Variants in PSMA8 observed in about 807,000 individuals in gnomAD.
The protein encoded by PSMA8 is proteasome subunit alpha-type 8.
PSMA8 carries 18 observed loss-of-function variants against 32.4 expected under a neutral mutation model. That is an observed-to-expected ratio of 0.56 (90% CI 0.38 to 0.82). PSMA8 has a LOEUF of 0.82. Among genes scored for constraint, PSMA8 ranks in the 40% least tolerant of loss-of-function variants. The probability of loss-of-function intolerance (pLI) is 0.00; values close to 1 mark genes in which losing one functional copy is unlikely to be tolerated. For missense variants in PSMA8, 298 were observed against 300.7 expected (o/e 0.99, Z 0.07); for synonymous variants, 104 against 98.1 (o/e 1.06, Z -0.36).
intron 4 of PSMA8, among the ~76,000 whole-genome samples, chr18:26,158,641 A>G (rs1410922138): frequency 1.3e-5 from 2 of 152,206 alleles, no homozygotes; most frequent in East Asian, 1.9e-4. Context: ...TCTCCATTCT[A>G]GGAGAGTCAG....
intron 4 of PSMA8, among the ~76,000 whole-genome samples, chr18:26,176,666 C>T (rs1282980101): frequency 1.3e-5 from 2 of 152,162 alleles, no homozygotes; most frequent in Non-Finnish European, 2.9e-5. Context: ...GGCACAGTGG[C>T]TCACACCTGT....
intron 3 of PSMA8, 101 bp downstream of exon 3, chr18:26,152,083 T>C: frequency 1.4e-6 from 1 of 728,958 alleles, no homozygotes; most frequent in Non-Finnish European, 1.9e-6. Flanking sequence ...TGTAGTCTAT[T>C]AAATATATTA....
Position 26,133,919 on chromosome 18 carries a change from G to A in PSMA8, c.-47G>A. 6.6e-7 allele frequency: 1 copy of A among 1,519,488 alleles called. No homozygotes were observed. The highest frequency in any genetic ancestry group is 9.1e-7 in the Non-Finnish European group (1 of 1,095,720). 94.1% of individuals were successfully genotyped at this position (1,519,488 alleles called of 1,614,324 possible). On this transcript the variant is annotated 5_prime_UTR_variant, in exon 1 of 7. Transcript: ENST00000415576. The stretch of plus-strand genomic sequence containing the variant: ...TGGCGGCGGCTCCCCGCTTGCCTCA[G>A]CTGCAGCAGCGGGAAGCTCGGTGGC...
At chr18:26,164,901 G>A (rs1015165049) in intron 4 of PSMA8, among the ~76,000 whole-genome samples, 6 of 151,660 alleles carry the variant, frequency 4.0e-5, no homozygotes, top group African/African-American at 1.5e-4. Flanking sequence ...GGAGTTTTTG[G>A]TTTTTTTGTT....
intron 1 of PSMA8, among the ~76,000 whole-genome samples, chr18:26,135,086 A>G (rs1040472344): frequency 6.6e-6 from 1 of 152,150 alleles, no homozygotes; most frequent in Non-Finnish European, 1.5e-5. Context: ...ATTACACCCT[A>G]CCTTAGATTT....
At position 26,163,250 on chromosome 18, in the gene PSMA8, T is replaced by TATATA. The variant is rs1555662105; in HGVS notation, c.477+5007_477+5011dup. On this transcript the variant is annotated intron_variant, in intron 4 of 6. Transcript: ENST00000415576. ...ATATATATATATATATATATATATA[T>TATATA]ATATATATATATGCTGTGAGTAAAA... Among the ~76,000 whole-genome samples the TATATA allele has an allele frequency of 2.5e-3, 237 of 94,536 alleles. 4 individuals are homozygous for TATATA. Among genetic ancestry groups the TATATA allele is most frequent in the African/African-American group, 8.4e-3 (210 of 24,978 alleles). The allele number at this position is 94,536 out of a possible 152,430, so 62.0% of individuals were successfully genotyped here. A position where few individuals can be genotyped will look rare whatever the true frequency, so the allele number is the denominator to read the frequency against.
chr18:26,155,170 G>A lies in PSMA8; in HGVS notation c.355-2952G>A, dbSNP rs563726112. Among the ~76,000 whole-genome samples the A allele has an allele frequency of 5.3e-5, 8 of 152,146 alleles. No homozygotes were observed. In the South Asian group the frequency reaches 1.7e-3, roughly 32 times the overall value. ...GAATTGCTTGAACCCAGGAGACGGA[G>A]GTTGCAGTAAGCCAAGATCATACCA... On this transcript the variant is annotated intron_variant, in intron 3 of 6. Coordinates refer to ENST00000415576, the MANE Select transcript of PSMA8 (RefSeq NM_001025096.2).
chr18:26,161,133 G>A (rs927724863), intron 4 of PSMA8, among the ~76,000 whole-genome samples: 10 of 152,096 alleles, frequency 6.6e-5, no homozygotes, highest in African/African-American at 2.4e-4. Context: ...TTGTAGTTCC[G>A]TGAAATTATT....
intron 6 of PSMA8, among the ~76,000 whole-genome samples, chr18:26,185,917 TG>T (rs1320491423): frequency 6.6e-6 from 1 of 150,438 alleles, no homozygotes; most frequent in African/African-American, 2.5e-5. Context: ...GATAAATCTT[TG>T]TGTGGGATAC....
At chr18:26,172,972 T>C (rs549153857) in intron 4 of PSMA8, among the ~76,000 whole-genome samples, 1 of 152,302 alleles carries the variant, frequency 6.6e-6, no homozygotes, top group African/African-American at 2.4e-5. Context: ...AATACAGTCC[T>C]GAGGAATAGC....
intron 2 of PSMA8, among the ~76,000 whole-genome samples, chr18:26,150,021 A>G (rs760845318): frequency 6.6e-6 from 1 of 152,230 alleles, no homozygotes; most frequent in Non-Finnish European, 1.5e-5. Flanking sequence ...AACACACCCA[A>G]TTGGAAAATC....
At position 26,185,087 on chromosome 18, in the gene PSMA8, CAAAAAAA is replaced by C. The variant is rs772421124; in HGVS notation, c.660+5972_660+5978del. ...GGGCAACAAGAGCGAAACTCCATCT[CAAAAAAA>C]AAAAAAAAAAAAAAGTTGTTTTTGG... On this transcript the variant is annotated intron_variant, in intron 6 of 6. Coordinates refer to ENST00000415576, the MANE Select transcript of PSMA8 (RefSeq NM_001025096.2). 5.9e-3 allele frequency among the ~76,000 whole-genome samples: 325 copies of C among 55,456 alleles called. 8 individuals are homozygous for C. Among genetic ancestry groups the C allele is most frequent in the Admixed American group, 0.014 (80 of 5,796 alleles). The allele number at this position is 55,456 out of a possible 152,430, so 36.4% of individuals were successfully genotyped here. A position where few individuals can be genotyped will look rare whatever the true frequency, so the allele number is the denominator to read the frequency against.
Position 26,172,096 on chromosome 18 carries a change from T to G in PSMA8, c.478-6734T>G, listed in dbSNP as rs28555187. Among the ~76,000 whole-genome samples, 823 of 152,290 alleles carry G rather than the reference T, an allele frequency of 5.4e-3. 2 individuals are homozygous for G. Among genetic ancestry groups the G allele is most frequent in the African/African-American group, 0.011 (467 of 41,560 alleles). ...GCCCTTTATCTGAGGAATGACATCTTTATCTCAAGATTACCAGCTGCATAG... is the reference window on the plus strand; with the variant it reads ...GCCCTTTATCTGAGGAATGACATCTGTATCTCAAGATTACCAGCTGCATAG... On this transcript the variant is annotated intron_variant, in intron 4 of 6. Transcript: ENST00000415576.
chr18:26,183,464 T>A (rs114517867), intron 6 of PSMA8, among the ~76,000 whole-genome samples: 2 of 150,522 alleles, frequency 1.3e-5, no homozygotes, highest in Non-Finnish European at 1.5e-5. Flanking sequence ...ATTCCAACCC[T>A]TATGAATGAC....
intron 1 of PSMA8, among the ~76,000 whole-genome samples, chr18:26,139,718 T>C (rs1172177525): frequency 6.6e-6 from 1 of 152,168 alleles, no homozygotes; most frequent in Admixed American, 6.5e-5. Flanking sequence ...TTAATGACCT[T>C]TGTAATTACC....
intron 6 of PSMA8, among the ~76,000 whole-genome samples, chr18:26,190,218 A>G (rs1452362968): frequency 3.9e-5 from 6 of 152,184 alleles, no homozygotes; most frequent in Non-Finnish European, 5.9e-5. Flanking sequence ...AAGACCTAGT[A>G]TTTGATAACA....
At chr18:26,171,424 T>A in intron 4 of PSMA8, 1 of 999,586 alleles carries the variant, frequency 1.0e-6, no homozygotes, top group Non-Finnish European at 1.5e-6. Context: ...TTAAATGAAT[T>A]AAATTTTTAA....
At chr18:26,164,972 C>T (rs991173677) in intron 4 of PSMA8, among the ~76,000 whole-genome samples, 1 of 152,016 alleles carries the variant, frequency 6.6e-6, no homozygotes, top group Admixed American at 6.6e-5. Flanking sequence ...GGCTGGAGTG[C>T]AATGGTACCA....
intron 1 of PSMA8, among the ~76,000 whole-genome samples, chr18:26,142,373 A>G (rs1335744737): frequency 6.6e-6 from 1 of 152,168 alleles, no homozygotes; most frequent in Non-Finnish European, 1.5e-5. Flanking sequence ...ACACTTGACT[A>G]CAAAGCAATT....
Sources: gnomAD v4.1 joint callset for allele counts (sites outside exome capture counted in the v4.1 genomes callset) on GRCh38, gnomAD v4.1.1 for gene constraint, MANE v1.5 for transcripts, NCBI Gene and HGNC (gene_info 2026-07-23, HGNC 2026-07-21) for gene names.